Variants in CTNND2 observed in about 807,000 individuals in gnomAD.
CTNND2 encodes catenin delta-2.
A neutral mutation model predicts 144.4 loss-of-function variants in CTNND2; 22 were observed. That is an observed-to-expected ratio of 0.15 (90% CI 0.11 to 0.22). The LOEUF is 0.22. CTNND2 is among the 10% of genes least tolerant of loss of function. The probability of loss-of-function intolerance (pLI) is 1.00; values close to 1 mark genes in which losing one functional copy is unlikely to be tolerated. For synonymous variants in CTNND2, 751 were observed against 695.6 expected (o/e 1.08, Z -1.25); for missense variants, 1,353 against 1,618.8 (o/e 0.84, Z 2.82).
chr5:11,588,961 C>G (rs1340581598), intron 2 of CTNND2: 9 of 985,122 alleles, frequency 9.1e-6, no homozygotes, highest in Non-Finnish European at 1.1e-5. Flanking sequence ...AGAACAGCCT[C>G]GAAAAAGTCA....
chr5:11,514,436 T>C (rs1581384794), intron 3 of CTNND2, among the ~76,000 whole-genome samples: 1 of 152,212 alleles, frequency 6.6e-6, no homozygotes, highest in Non-Finnish European at 1.5e-5. Context: ...TTGATGGATT[T>C]TGAGTTATTA....
intron 9 of CTNND2, among the ~76,000 whole-genome samples, chr5:11,243,184 T>A (rs1742636811): frequency 6.6e-6 from 1 of 152,210 alleles, no homozygotes; most frequent in African/African-American, 2.4e-5. Context: ...CAAAATAATT[T>A]CCTTTCTTCC....
chr5:11,410,756 A>C (rs1291061832), intron 5 of CTNND2, among the ~76,000 whole-genome samples: 1 of 152,176 alleles, frequency 6.6e-6, no homozygotes, highest in Non-Finnish European at 1.5e-5. Context: ...GTACCTTAGC[A>C]TAGTACTAAA....
intron 3 of CTNND2, among the ~76,000 whole-genome samples, chr5:11,442,486 T>C (rs1349007201): frequency 1.3e-5 from 2 of 152,140 alleles, no homozygotes; most frequent in African/African-American, 4.8e-5. Context: ...ATACAATCAC[T>C]ACAAAGCATT....
intron 3 of CTNND2, among the ~76,000 whole-genome samples, chr5:11,549,395 A>C (rs867260689): frequency 6.6e-6 from 1 of 152,208 alleles, no homozygotes. Context: ...ATCAGAGCAG[A>C]GGATAGCACA....
chr5:11,796,270 G>C (rs1355693208), intron 1 of CTNND2, among the ~76,000 whole-genome samples: 1 of 152,202 alleles, frequency 6.6e-6, no homozygotes, highest in African/African-American at 2.4e-5. Context: ...CCAGGGATTA[G>C]GACAAGGTCA....
chr5:11,571,114 T>A (rs981864829), intron 2 of CTNND2, among the ~76,000 whole-genome samples: 8 of 152,358 alleles, frequency 5.3e-5, no homozygotes, highest in African/African-American at 1.9e-4. Flanking sequence ...TGTAAAATCA[T>A]CTCTCTTCTT....
At position 11,482,418 on chromosome 5, in the gene CTNND2, A is replaced by G. The variant is rs76203485; in HGVS notation, c.288-70349T>C. 7.2e-3 allele frequency among the ~76,000 whole-genome samples: 1,102 copies of G among 152,318 alleles called. 15 individuals are homozygous for G. The highest frequency in any genetic ancestry group is 0.024 in the African/African-American group (1,002 of 41,564). The stretch of plus-strand genomic sequence containing the variant: ...TAGAGGTCTTCCTGAATGCATTAGT[A>G]TATTCATTCACTGAACAAAGAATGA... On this transcript the variant is annotated intron_variant, in intron 3 of 21. Transcript: ENST00000304623.
In CTNND2 at chr5:11,756,647, TACACACAC is replaced by T. The variant is rs56310010; in HGVS notation, c.38-24383_38-24376del. 9.3e-3 allele frequency among the ~76,000 whole-genome samples: 1,392 copies of T among 149,468 alleles called. 11 individuals are homozygous for T. Among genetic ancestry groups the T allele is most frequent in the African/African-American group, 0.026 (1,061 of 40,944 alleles). ...ACAAATCGATATACACACACATACA[TACACACAC>T]ACACACACACACACACACTTAACAG... is the stretch of plus-strand genomic sequence containing the variant. On this transcript the variant is annotated intron_variant, in intron 1 of 21. Transcript: ENST00000304623.
At chr5:11,647,490 G>A (rs964703858) in intron 2 of CTNND2, among the ~76,000 whole-genome samples, 1 of 151,846 alleles carries the variant, frequency 6.6e-6, no homozygotes, top group African/African-American at 2.4e-5. Flanking sequence ...ACTGAAGGGT[G>A]GCTTCCATGC....
chr5:11,538,304 A>C (rs1041168964), intron 3 of CTNND2, among the ~76,000 whole-genome samples: 5 of 152,224 alleles, frequency 3.3e-5, no homozygotes, highest in Admixed American at 2.0e-4. Flanking sequence ...CAGGACACTC[A>C]GCAAAGCATA....
intron 1 of CTNND2, among the ~76,000 whole-genome samples, chr5:11,756,645 C>A (rs1199133915): frequency 3.6e-4 from 4 of 11,264 alleles, no homozygotes; most frequent in Admixed American, 2.0e-3. Flanking sequence ...CACACACATA[C>A]ATACACACAC....
chr5:11,527,561 C>T (rs1214902479), intron 3 of CTNND2, among the ~76,000 whole-genome samples: 2 of 152,146 alleles, frequency 1.3e-5, no homozygotes. Context: ...TCTCCAAGCT[C>T]TAAAGCTCCC....
At chr5:11,664,867 T>C (rs922376196) in intron 2 of CTNND2, among the ~76,000 whole-genome samples, 4 of 152,162 alleles carry the variant, frequency 2.6e-5, no homozygotes, top group African/African-American at 7.2e-5. Context: ...GTCCTCTTTA[T>C]TGTTGGATTA....
chr5:11,598,999 G>A (rs973488904), intron 2 of CTNND2, among the ~76,000 whole-genome samples: 3 of 152,164 alleles, frequency 2.0e-5, no homozygotes, highest in Non-Finnish European at 4.4e-5. Flanking sequence ...ATGGCAGCAG[G>A]AGAAAGAGAG....
At chr5:11,236,973 T>A in intron 9 of CTNND2, 150 bp from the exon 10 acceptor site, 1 of 730,712 alleles carries the variant, frequency 1.4e-6, no homozygotes, top group South Asian at 2.0e-5. Flanking sequence ...CAGACCCATT[T>A]AAGGGGATTT....
At chr5:11,878,453 G>C (rs1052762600) in intron 1 of CTNND2, among the ~76,000 whole-genome samples, 2 of 152,154 alleles carry the variant, frequency 1.3e-5, no homozygotes, top group African/African-American at 2.4e-5. Context: ...TGTACCTTCA[G>C]TTTACTTCAA....
intron 9 of CTNND2, among the ~76,000 whole-genome samples, chr5:11,307,069 A>G (rs1402132074): frequency 6.6e-6 from 1 of 151,176 alleles, no homozygotes; most frequent in East Asian, 1.9e-4. Context: ...GGCTTAGTTA[A>G]ATGAGGCTAC....
At chr5:11,786,269 T>C (rs1790824870) in intron 1 of CTNND2, among the ~76,000 whole-genome samples, 3 of 152,214 alleles carry the variant, frequency 2.0e-5, no homozygotes, top group Admixed American at 2.0e-4. Context: ...AAAAGTAAAG[T>C]GTAAGACTGC....
Sources: gnomAD v4.1 joint callset for allele counts (sites outside exome capture counted in the v4.1 genomes callset) on GRCh38, gnomAD v4.1.1 for gene constraint, MANE v1.5 for transcripts, NCBI Gene and HGNC (gene_info 2026-07-23, HGNC 2026-07-21) for gene names.